MACF1: variants seen among roughly 807,000 people sequenced by gnomAD.
The protein encoded by MACF1 is microtubule-actin cross-linking factor 1.
A neutral mutation model predicts 854.8 loss-of-function variants in MACF1; 193 were observed. The ratio of observed to expected loss-of-function variants is 0.23; its 90% CI spans 0.20 to 0.25. The LOEUF (loss-of-function observed/expected upper bound fraction) is 0.25. Ranked by LOEUF, MACF1 falls within the 10% of genes least tolerant of loss-of-function variation. MACF1 has a pLI of 1.00. For missense variants in MACF1, 7,722 were observed against 8,929.1 expected (o/e 0.86, Z 5.45); for synonymous variants, 3,185 against 3,226.7 (o/e 0.99, Z 0.44).
chr1:39,202,111 C>T (rs181576525), upstream of MACF1, among the ~76,000 whole-genome samples: 4 of 150,302 alleles, frequency 2.7e-5, no homozygotes, highest in Non-Finnish European at 5.9e-5. Context: ...GGATTACAGG[C>T]GACCATCACC....
intron 2 of MACF1, among the ~76,000 whole-genome samples, chr1:39,180,749 C>T (rs1037285723): frequency 2.0e-5 from 3 of 152,172 alleles, no homozygotes; most frequent in Non-Finnish European, 4.4e-5. Context: ...GAGCCAAGGT[C>T]AGTGGGGCCT....
chr1:39,109,059 C>T (rs1642326824), intron 2 of MACF1, among the ~76,000 whole-genome samples: 1 of 152,110 alleles, frequency 6.6e-6, no homozygotes, highest in East Asian at 1.9e-4. Context: ...AAATTGATAT[C>T]GTAGAAAGAC....
chr1:39,269,774 C>T, intron 6 of MACF1: 1 of 1,232,664 alleles, frequency 8.1e-7, no homozygotes, highest in Non-Finnish European at 1.0e-6. Context: ...TCTTGGCCCT[C>T]AAACATATTA....
At chr1:39,466,341 C>T (rs1332245868) in intron 95 of MACF1, among the ~76,000 whole-genome samples, 1 of 152,228 alleles carries the variant, frequency 6.6e-6, no homozygotes, top group Non-Finnish European at 1.5e-5. Flanking sequence ...CTCAACTTCC[C>T]CAGCTACACT....
At chr1:39,107,655 G>A (rs2148139361) in intron 2 of MACF1, among the ~76,000 whole-genome samples, 1 of 152,292 alleles carries the variant, frequency 6.6e-6, no homozygotes, top group Middle Eastern at 3.4e-3. Flanking sequence ...CTTAATAGGA[G>A]AACAGTTTGT....
At chr1:39,359,398 A>G (rs1647865321) in intron 47 of MACF1, 134 bp downstream of exon 47, 1 of 1,008,270 alleles carries the variant, frequency 9.9e-7, no homozygotes, top group Non-Finnish European at 1.5e-6. Flanking sequence ...ATGAATAGAC[A>G]TAGATTGTCA....
At chr1:39,263,457 A>G (rs1295690075) in intron 6 of MACF1, among the ~76,000 whole-genome samples, 1 of 152,220 alleles carries the variant, frequency 6.6e-6, no homozygotes, top group East Asian at 1.9e-4. Context: ...GGAAGAGTAT[A>G]TAACAGATCC....
chr1:39,155,327 G>A (rs1028234177), intron 2 of MACF1, among the ~76,000 whole-genome samples: 6 of 152,204 alleles, frequency 3.9e-5, no homozygotes, highest in South Asian at 2.1e-4. Context: ...TCTTTTAAAT[G>A]CACTTAGTTC....
chr1:39,154,736 C>T (rs1030272843), intron 2 of MACF1, among the ~76,000 whole-genome samples: 4 of 150,332 alleles, frequency 2.7e-5, no homozygotes, highest in Admixed American at 2.7e-4. Flanking sequence ...TTTTTTTTAA[C>T]AGCCATCCTG....
chr1:39,337,562 ATTTTT>A (rs35312351), intron 38 of MACF1, among the ~76,000 whole-genome samples: 3 of 100,154 alleles, frequency 3.0e-5, no homozygotes, highest in African/African-American at 1.1e-4. Flanking sequence ...AATTACTACC[ATTTTT>A]TTTTTTTTTT....
Position 39,310,839 on chromosome 1 carries a change from G to A in MACF1, c.3109G>A (p.Glu1037Lys). ...LMKSMENEDKEETVAKMYISE... is the reference protein window; with the variant it reads ...LMKSMENEDKKETVAKMYISE... The stretch of plus-strand genomic sequence containing the variant: ...TGTTTGTTCATTCACAGAGGACAAA[G>A]AGGAGACTGTGGCCAAGATGTACAT... Residue 1037 changes from glutamate to lysine, a missense_variant, in exon 26 of 101, where the codon GAG (glutamate) becomes AAG (lysine). By Grantham distance (56) the Glu-to-Lys change is moderately conservative. Transcript: ENST00000564288. 3 of 1,611,594 alleles carry A rather than the reference G, an allele frequency of 1.9e-6. No individual in the cohort carries two copies. Among genetic ancestry groups the A allele is most frequent in the Non-Finnish European group, 2.5e-6 (3 of 1,178,700 alleles).
At chr1:39,358,523 A>G (rs112342514) in intron 45 of MACF1, among the ~76,000 whole-genome samples, 174 bp from the exon 46 acceptor site, 196 of 152,312 alleles carry the variant, frequency 1.3e-3, no homozygotes, top group African/African-American at 4.1e-3. Context: ...GGAGCAAACA[A>G]TGGGGACCCA....
Position 39,285,767 on chromosome 1 carries a change from C to A in MACF1, c.1508+9C>A. 1 of 1,613,104 alleles carries A rather than the reference C, an allele frequency of 6.2e-7. No homozygotes were observed. Among genetic ancestry groups the A allele is most frequent in the East Asian group, 2.2e-5 (1 of 44,840 alleles). ...GAAGAGCTGGCTTTTAGGTGAGGAA[C>A]AAGGGACTCAAATGGAGGGCTTGCT... On this transcript the variant is annotated intron_variant, in intron 14 of 100. Coordinates refer to ENST00000564288, the MANE Select transcript of MACF1 (RefSeq NM_001394062.1).
chr1:39,098,109 G>A (rs940805025), intron 2 of MACF1, among the ~76,000 whole-genome samples: 2 of 152,232 alleles, frequency 1.3e-5, no homozygotes, highest in African/African-American at 4.8e-5. Flanking sequence ...ATTGGGTATG[G>A]TTCAGCAGGG....
At chr1:39,446,827 A>T (rs530517401) in intron 80 of MACF1, among the ~76,000 whole-genome samples, 1 of 152,230 alleles carries the variant, frequency 6.6e-6, no homozygotes, top group African/African-American at 2.4e-5. Context: ...TTCTTAGGTA[A>T]ATGAAAGTGT....
At chr1:39,240,150 C>T (rs969378417) in intron 2 of MACF1, among the ~76,000 whole-genome samples, 2 of 152,236 alleles carry the variant, frequency 1.3e-5, no homozygotes, top group African/African-American at 4.8e-5. Context: ...GTTTTGGCCA[C>T]ATGAGTCAAT....
At chr1:39,374,708 G>A (rs1181625467) in intron 52 of MACF1, among the ~76,000 whole-genome samples, 1 of 152,126 alleles carries the variant, frequency 6.6e-6, no homozygotes, top group Non-Finnish European at 1.5e-5. Context: ...AGATTTGACT[G>A]ATGAGCTGTA....
At chr1:39,264,322 A>G (rs1645204903) in intron 6 of MACF1, among the ~76,000 whole-genome samples, 1 of 152,178 alleles carries the variant, frequency 6.6e-6, no homozygotes. Flanking sequence ...AAGGTACTGT[A>G]TGACTTACAG....
chr1:39,184,660 A>G (rs931251251), intron 2 of MACF1, among the ~76,000 whole-genome samples: 1 of 152,208 alleles, frequency 6.6e-6, no homozygotes, highest in East Asian at 1.9e-4. Context: ...CATATCGCAA[A>G]GCAGTAAAGT....
Sources: allele counts gnomAD v4.1 joint callset (sites outside exome capture counted in the v4.1 genomes callset), GRCh38; gene constraint gnomAD v4.1.1; transcripts MANE v1.5; gene names NCBI Gene and HGNC (gene_info 2026-07-23, HGNC 2026-07-21).